The following DST variants were observed in gnomAD, a reference collection of about 807,000 sequenced individuals.
DST encodes bullous pemphigoid antigen.
A neutral mutation model predicts 875.2 loss-of-function variants in DST; 253 were observed. That is an observed-to-expected ratio of 0.29 (90% CI 0.26 to 0.32). The LOEUF is 0.32. Among genes scored for constraint, DST ranks in the 10% least tolerant of loss-of-function variants. The pLI, the probability that DST is intolerant of heterozygous loss-of-function variation, is 1.00. For missense variants in DST, 8,287 were observed against 9,111.6 expected (o/e 0.91, Z 3.68); for synonymous variants, 3,124 against 3,197.1 (o/e 0.98, Z 0.77).
In DST at chr6:56,619,984, C is replaced by T. The variant is rs377356403; in HGVS notation, c.4929+4546G>A. 127 of 1,613,928 alleles carry T rather than the reference C, an allele frequency of 7.9e-5. 3 individuals are homozygous for T. The Middle Eastern group carries it at 4.8e-3, about 61-fold the overall frequency. On this transcript the variant is annotated intron_variant, in intron 36 of 103. Transcript: ENST00000680361. ...GCTTGTCATGTTCTTGCTGGAGACC[C>T]GTTACTGCCCTGCATGATGTAGCCT...
chr6:56,619,602 G>T, intron 36 of DST: 1 of 1,613,792 alleles, frequency 6.2e-7, no homozygotes, highest in Non-Finnish European at 8.5e-7. Context: ...CCTTTTTCAT[G>T]ATTAAGAGAT....
rs2097312067 is a variant in DST, at chr6:56,550,976, TGAAG to T, written c.16608+1204_16608+1207del. Among the ~76,000 whole-genome samples, 7 of 152,196 alleles carry T rather than the reference TGAAG, an allele frequency of 4.6e-5. No individual in the cohort carries two copies. In the South Asian group the frequency reaches 1.5e-3, roughly 32 times the overall value. Reference sequence around the variant, plus strand: ...GAAATACAAAAATTTGACAGAGCAATGAAGGAGGTCAAGTCAACAATAAGGACGT... The same window carrying T: ...GAAATACAAAAATTTGACAGAGCAATGAGGTCAAGTCAACAATAAGGACGT... On this transcript the variant is annotated intron_variant, in intron 61 of 103. Coordinates refer to ENST00000680361, the MANE Select transcript of DST (RefSeq NM_001374736.1).
At position 56,629,315 on chromosome 6, in the gene DST, C is replaced by A. The variant is rs1429622743; in HGVS notation, c.4410G>T (p.Trp1470Cys). Reference sequence around the variant, plus strand: ...CTAATTGATCTGCTTTTTCTTTGTGCCAGTCAAAATCAAGGTCCCGTTCTT... The same window carrying A: ...CTAATTGATCTGCTTTTTCTTTGTGACAGTCAAAATCAAGGTCCCGTTCTT... ...TYKERDLDFD[W>C]HKEKADQLVE... is the part of the protein sequence containing the mutation. The change falls in exon 32 of 104, where the codon TGG becomes TGT. Residue 1470 changes from tryptophan (W) to cysteine (C), a missense_variant. This residue lies in a region of DST where 3,138 missense variants were observed against 3,116.6 expected (regional missense o/e 1.01). Coordinates refer to ENST00000680361, the MANE Select transcript of DST (RefSeq NM_001374736.1). The A allele has an allele frequency of 1.9e-6, 3 of 1,613,680 alleles. No individual in the cohort carries two copies. The highest frequency in any genetic ancestry group is 2.5e-6 in the Non-Finnish European group (3 of 1,179,770).
chr6:56,769,983 C>T (rs2099645505), intron 4 of DST, among the ~76,000 whole-genome samples: 1 of 152,110 alleles, frequency 6.6e-6, no homozygotes. Flanking sequence ...GTAAGGAAAT[C>T]AATACAGTTA....
chr6:56,813,379 TATA>T (rs1042380661), intron 4 of DST, among the ~76,000 whole-genome samples: 2 of 139,970 alleles, frequency 1.4e-5, no homozygotes, highest in South Asian at 4.3e-4. Context: ...AAACTTAAAG[TATA>T]ATAATAATAA....
At chr6:56,643,651 C>A (rs1245629838) in intron 15 of DST, among the ~76,000 whole-genome samples, 7 of 152,200 alleles carry the variant, frequency 4.6e-5, no homozygotes, top group Non-Finnish European at 7.3e-5. Context: ...AACATGAAGG[C>A]ATTTATCCAA....
At chr6:56,465,289 C>T (rs896635105) in intron 99 of DST, among the ~76,000 whole-genome samples, 6 of 151,976 alleles carry the variant, frequency 3.9e-5, no homozygotes, top group African/African-American at 1.5e-4. Flanking sequence ...ACAGCACTGA[C>T]GTGAACATTT....
chr6:56,759,938 A>G (rs1481093501), intron 4 of DST, among the ~76,000 whole-genome samples: 2 of 152,242 alleles, frequency 1.3e-5, no homozygotes, highest in African/African-American at 2.4e-5. Context: ...TTTGTGGTCC[A>G]ACCATAGAGT....
chr6:56,845,206 G>A (rs989944720), intron 4 of DST, among the ~76,000 whole-genome samples: 1 of 152,166 alleles, frequency 6.6e-6, no homozygotes, highest in Non-Finnish European at 1.5e-5. Flanking sequence ...TCAACTTCAC[G>A]TCTTGTCTAA....
intron 9 of DST, among the ~76,000 whole-genome samples, chr6:56,684,227 A>G (rs549071289): frequency 6.6e-6 from 1 of 152,314 alleles, no homozygotes; most frequent in East Asian, 1.9e-4. Context: ...GTTGACTTAG[A>G]TATTCCCTGA....
intron 82 of DST, among the ~76,000 whole-genome samples, chr6:56,496,021 G>C (rs1454620795): frequency 6.6e-6 from 1 of 151,954 alleles, no homozygotes; most frequent in African/African-American, 2.4e-5. Flanking sequence ...GATGTACACT[G>C]ATCTATTTCT....
chr6:56,860,840 G>A (rs904921174), intron 3 of DST, among the ~76,000 whole-genome samples: 2 of 152,130 alleles, frequency 1.3e-5, no homozygotes, highest in Admixed American at 6.5e-5. Context: ...CATGAGTTCC[G>A]TATCTATCCT....
Position 56,552,266 on chromosome 6 carries a change from T to A in DST, c.16526A>T (p.Gln5509Leu), listed in dbSNP as rs777266443. The change falls in exon 61 of 104, where the codon CAG becomes CTG. Residue 5509 changes from glutamine (Q) to leucine (L), a missense_variant. Gln to Leu is a moderately radical substitution (Grantham distance 113, BLOSUM62 -2). Around this residue, in one of 10 missense-constraint regions of DST, gnomAD observed 777 missense variants for 764.8 expected, o/e 1.02. Coordinates refer to ENST00000680361, the MANE Select transcript of DST (RefSeq NM_001374736.1). ...SKLKEFSILLQKAEEHEESQG... is the reference protein window; with the variant it reads ...SKLKEFSILLLKAEEHEESQG... ...TGACTCTTCATGTTCTTCGGCTTTCTGGAGCAGAATAGAAAATTCTTTCAA... is the reference window on the plus strand; with the variant it reads ...TGACTCTTCATGTTCTTCGGCTTTCAGGAGCAGAATAGAAAATTCTTTCAA... 1.6e-5 allele frequency: 26 copies of A among 1,614,052 alleles called. No homozygotes were observed. Among genetic ancestry groups the A allele is most frequent in the Non-Finnish European group, 2.2e-5 (26 of 1,179,886 alleles).
At chr6:56,911,855 G>GA (rs1261812787) in intron 2 of DST, among the ~76,000 whole-genome samples, 1 of 152,090 alleles carries the variant, frequency 6.6e-6, no homozygotes, top group Non-Finnish European at 1.5e-5. Context: ...TGTACACTCA[G>GA]AAAAAAACTA....
At chr6:56,634,433 C>T (rs1209049897) in intron 26 of DST, 29 bp downstream of exon 26, 3 of 1,612,594 alleles carry the variant, frequency 1.9e-6, no homozygotes, top group East Asian at 2.2e-5. Flanking sequence ...CCAAAACTAG[C>T]TCAACATTTT....
chr6:56,814,175 G>A (rs557366397), intron 4 of DST, among the ~76,000 whole-genome samples: 72 of 152,098 alleles, frequency 4.7e-4, no homozygotes, highest in Non-Finnish European at 9.3e-4. Flanking sequence ...ATATAGGTTC[G>A]CATAATGAAG....
intron 5 of DST, among the ~76,000 whole-genome samples, chr6:56,711,823 G>A (rs2099364449): frequency 6.6e-6 from 1 of 151,960 alleles, no homozygotes; most frequent in African/African-American, 2.4e-5. Context: ...CGGGCGCGGT[G>A]GCTCACGCCT....
intron 5 of DST, among the ~76,000 whole-genome samples, chr6:56,728,508 T>G (rs899466121): frequency 1.3e-5 from 2 of 152,090 alleles, no homozygotes; most frequent in African/African-American, 4.8e-5. Context: ...ACCTCGTCTC[T>G]ATTAAAAAAT....
At chr6:56,794,190 A>C (rs2099735925) in intron 4 of DST, among the ~76,000 whole-genome samples, 1 of 152,214 alleles carries the variant, frequency 6.6e-6, no homozygotes, top group African/African-American at 2.4e-5. Flanking sequence ...TATACACACC[A>C]AGTATTTCGA....
Sources: allele counts gnomAD v4.1 joint callset (sites outside exome capture counted in the v4.1 genomes callset), GRCh38; gene constraint gnomAD v4.1.1; regional missense constraint gnomAD v4.1.1; transcripts MANE v1.5; gene names NCBI Gene and HGNC (gene_info 2026-07-23, HGNC 2026-07-21).